The following NELL1 variants were observed in gnomAD, a reference collection of about 807,000 sequenced individuals.
The protein encoded by NELL1 is protein kinase C-binding protein NELL1.
A neutral mutation model predicts 107.4 loss-of-function variants in NELL1; 76 were observed. The ratio of observed to expected loss-of-function variants is 0.71; its 90% CI spans 0.59 to 0.86. NELL1 has a LOEUF of 0.86. Among genes scored for constraint, NELL1 ranks in the 40% least tolerant of loss-of-function variants. The pLI, the probability that NELL1 is intolerant of heterozygous loss-of-function variation, is 0.00. For missense variants in NELL1, 1,024 were observed against 1,005.5 expected, an observed-to-expected ratio of 1.02 and a Z score of -0.25; for synonymous variants, 353 against 341.2, an observed-to-expected ratio of 1.03 and a Z score of -0.38.
intron 12 of NELL1, among the ~76,000 whole-genome samples, chr11:21,013,833 A>G (rs1198680181): frequency 6.6e-6 from 1 of 151,996 alleles, no homozygotes; most frequent in Non-Finnish European, 1.5e-5. Flanking sequence ...TACCACTTAT[A>G]TTTAGTCATT....
chr11:20,826,625 T>C lies in NELL1; in HGVS notation c.336-20958T>C, dbSNP rs185332341. Among the ~76,000 whole-genome samples, 64 of 151,360 alleles carry C rather than the reference T, an allele frequency of 4.2e-4. 1 individual carries two copies. The highest frequency in any genetic ancestry group is 1.5e-3 in the African/African-American group (63 of 41,486). ...TCCTCTCTGGTTAATTATTTTTTAT[T>C]GCACAATTCTGGATTAGGAACCGGC... On this transcript the variant is annotated intron_variant, in intron 3 of 19. Coordinates refer to ENST00000357134, the MANE Select transcript of NELL1 (RefSeq NM_006157.5).
intron 16 of NELL1, among the ~76,000 whole-genome samples, chr11:21,545,209 A>AT (rs1856408909): frequency 1.3e-5 from 2 of 151,782 alleles, no homozygotes; most frequent in Non-Finnish European, 2.9e-5. Context: ...GCTAATCTCT[A>AT]TTTTTTAAAA....
At chr11:21,569,164 G>A (rs1416562838) in intron 17 of NELL1, among the ~76,000 whole-genome samples, 1 of 151,632 alleles carries the variant, frequency 6.6e-6, no homozygotes, top group South Asian at 2.1e-4. Flanking sequence ...CCTTTTGTAT[G>A]TGTAGTATGT....
chr11:20,943,596 A>G (rs1409122441), intron 10 of NELL1, among the ~76,000 whole-genome samples: 1 of 152,058 alleles, frequency 6.6e-6, no homozygotes, highest in African/African-American at 2.4e-5. Flanking sequence ...AAAAAACCCA[A>G]CAAAACAAAA....
chr11:21,164,234 T>C (rs1243926618), intron 13 of NELL1, among the ~76,000 whole-genome samples: 2 of 152,232 alleles, frequency 1.3e-5, no homozygotes, highest in Admixed American at 6.5e-5. Flanking sequence ...GCATTGTTTT[T>C]ATATATGGGT....
At chr11:21,071,579 T>C (rs569086563) in intron 12 of NELL1, among the ~76,000 whole-genome samples, 1 of 152,334 alleles carries the variant, frequency 6.6e-6, no homozygotes, top group African/African-American at 2.4e-5. Flanking sequence ...CCTTTTCATA[T>C]CATCAGTGTA....
In NELL1 at chr11:21,547,363, G is replaced by A. The variant is rs536975232; in HGVS notation, c.1787-12826G>A. ...GAGATTTCCAGTGTAGATGAAGCAC[G>A]TGCTTCATCCACAAACCCTATATGG... On this transcript the variant is annotated intron_variant, in intron 16 of 19. Coordinates refer to ENST00000357134, the MANE Select transcript of NELL1 (RefSeq NM_006157.5). 3.6e-3 allele frequency among the ~76,000 whole-genome samples: 554 copies of A among 151,866 alleles called. 2 individuals are homozygous for A. The highest frequency in any genetic ancestry group is 0.013 in the African/African-American group (525 of 41,452).
At chr11:21,100,339 G>A (rs116128976) in intron 12 of NELL1, among the ~76,000 whole-genome samples, 2,227 of 152,230 alleles carry the variant, frequency 0.015, 63 homozygotes, top group African/African-American at 0.051. Flanking sequence ...CATTTTAAGT[G>A]TACAGTTCAG....
At chr11:21,235,637 A>G (rs1858187103) in intron 14 of NELL1, among the ~76,000 whole-genome samples, 1 of 152,170 alleles carries the variant, frequency 6.6e-6, no homozygotes, top group African/African-American at 2.4e-5. Flanking sequence ...GAACTATTAG[A>G]TGATTTGACC....
At chr11:21,252,644 G>A (rs1485509496) in intron 14 of NELL1, among the ~76,000 whole-genome samples, 1 of 151,960 alleles carries the variant, frequency 6.6e-6, no homozygotes, top group Non-Finnish European at 1.5e-5. Context: ...TTTATAATTG[G>A]GAATTAATCA....
chr11:20,930,795 A>G (rs1374695246), intron 9 of NELL1, among the ~76,000 whole-genome samples: 1 of 150,942 alleles, frequency 6.6e-6, no homozygotes, highest in Non-Finnish European at 1.5e-5. Flanking sequence ...CACACTAACT[A>G]AAACATCAGT....
chr11:21,410,136 T>A (rs538018003), intron 15 of NELL1, among the ~76,000 whole-genome samples: 3 of 152,216 alleles, frequency 2.0e-5, no homozygotes, highest in African/African-American at 7.2e-5. Flanking sequence ...AGTGGGACAT[T>A]GTTTTTCCTG....
intron 7 of NELL1, among the ~76,000 whole-genome samples, chr11:20,921,795 T>TG (rs1554944635): frequency 1.9e-4 from 12 of 63,606 alleles, no homozygotes; most frequent in Non-Finnish European, 2.5e-4. Flanking sequence ...TTTTATTGTG[T>TG]GTGTTTTTTT....
chr11:21,388,592 C>T (rs1009809546), intron 15 of NELL1, among the ~76,000 whole-genome samples: 1 of 151,786 alleles, frequency 6.6e-6, no homozygotes. Context: ...CAAAGAAATA[C>T]ATTCATATAG....
At chr11:21,409,441 G>C (rs913924024) in intron 15 of NELL1, among the ~76,000 whole-genome samples, 9 of 151,940 alleles carry the variant, frequency 5.9e-5, no homozygotes, top group Non-Finnish European at 1.3e-4. Context: ...TGGGGTTGGG[G>C]GAGCGGGGAG....
rs1858574689 is a variant in NELL1, at chr11:21,249,224, G to A, written c.1549+19770G>A. Reference sequence around the variant, plus strand: ...TTTTTATGAGGGTGAGATATATTTGGTGTAGAGATTATGCAAATCTGGTGA... The same window carrying A: ...TTTTTATGAGGGTGAGATATATTTGATGTAGAGATTATGCAAATCTGGTGA... On this transcript the variant is annotated intron_variant, in intron 14 of 19. Transcript: ENST00000357134. Among the ~76,000 whole-genome samples the A allele has an allele frequency of 2.0e-5, 3 of 152,068 alleles. No homozygotes were observed. In the South Asian group the frequency reaches 6.2e-4, roughly 31 times the overall value.
At chr11:21,561,895 T>C (rs1165914666) in intron 17 of NELL1, among the ~76,000 whole-genome samples, 1 of 152,064 alleles carries the variant, frequency 6.6e-6, no homozygotes, top group African/African-American at 2.4e-5. Flanking sequence ...AATCTCATTG[T>C]GGGTTAGAAT....
intron 2 of NELL1, among the ~76,000 whole-genome samples, chr11:20,705,067 C>G (rs899472359): frequency 6.6e-6 from 1 of 152,048 alleles, no homozygotes; most frequent in Non-Finnish European, 1.5e-5. Flanking sequence ...GAATCAATAT[C>G]GTGAAAATGG....
At chr11:21,570,414 G>A (rs75422647) in intron 17 of NELL1, among the ~76,000 whole-genome samples, 3 of 151,718 alleles carry the variant, frequency 2.0e-5, no homozygotes, top group Non-Finnish European at 4.4e-5. Context: ...AAATACAGGA[G>A]CATGATTTTC....
Sources: gnomAD v4.1 joint callset for allele counts (sites outside exome capture counted in the v4.1 genomes callset) on GRCh38, gnomAD v4.1.1 for gene constraint, MANE v1.5 for transcripts, NCBI Gene and HGNC (gene_info 2026-07-23, HGNC 2026-07-21) for gene names.